SUPT20H: variants seen among roughly 807,000 people sequenced by gnomAD.
SUPT20H encodes transcription factor SPT20 homolog.
SUPT20H carries 82 observed loss-of-function variants against 122.8 expected under a neutral mutation model. The observed-to-expected ratio is 0.67, with a 90% confidence interval of 0.56 to 0.80. SUPT20H has a LOEUF of 0.80. SUPT20H is among the 30% of genes least tolerant of loss of function. SUPT20H has a pLI of 0.00. For missense variants in SUPT20H, 831 were observed against 921.6 expected (o/e 0.90, Z 1.27); for synonymous variants, 291 against 313.0 (o/e 0.93, Z 0.74).
At chr13:37,030,727 G>A (rs1210423221) in intron 12 of SUPT20H, among the ~76,000 whole-genome samples, 4 of 152,134 alleles carry the variant, frequency 2.6e-5, no homozygotes, top group African/African-American at 4.8e-5. Flanking sequence ...ACTCCAGCTT[G>A]TCCTCCAAAG....
chr13:37,024,487 C>T, intron 17 of SUPT20H, 45 bp from the exon 18 acceptor site: 2 of 1,220,862 alleles, frequency 1.6e-6, no homozygotes, highest in Non-Finnish European at 1.1e-6. Flanking sequence ...ATTAATACTG[C>T]TATAAACCCC....
At chr13:37,052,418 T>C (rs1397535550) in intron 1 of SUPT20H, among the ~76,000 whole-genome samples, 3 of 152,082 alleles carry the variant, frequency 2.0e-5, no homozygotes, top group Non-Finnish European at 4.4e-5. Context: ...AAACAAGCAA[T>C]GGGGAGAGGA....
At chr13:37,058,220 G>A (rs548027398) in intron 1 of SUPT20H, among the ~76,000 whole-genome samples, 106 of 152,126 alleles carry the variant, frequency 7.0e-4, no homozygotes, top group Non-Finnish European at 1.2e-3. Context: ...AGCCAGGATC[G>A]CCCCATTGCA....
intron 3 of SUPT20H, 37 bp downstream of exon 3, chr13:37,048,527 C>T: frequency 6.5e-7 from 1 of 1,539,954 alleles, no homozygotes; most frequent in Non-Finnish European, 8.7e-7. Context: ...CAATTAAAGA[C>T]AACACTATTT....
At chr13:37,010,849 C>T (rs560068042) in intron 24 of SUPT20H, 194 bp from the exon 25 acceptor site, 100 of 480,854 alleles carry the variant, frequency 2.1e-4, no homozygotes, top group African/African-American at 1.8e-3. Context: ...GATAATGGAA[C>T]TTTCTGGACA....
intron 20 of SUPT20H, 52 bp downstream of exon 20, chr13:37,021,959 T>C (rs2061512784): frequency 2.0e-6 from 3 of 1,503,256 alleles, no homozygotes; most frequent in Non-Finnish European, 2.7e-6. Flanking sequence ...TTTATTTAGA[T>C]TGGTGAAACT....
At chr13:37,058,507 T>A (rs942229243) in intron 1 of SUPT20H, among the ~76,000 whole-genome samples, 10 of 152,182 alleles carry the variant, frequency 6.6e-5, no homozygotes, top group African/African-American at 2.4e-4. Flanking sequence ...GTCACTAAAT[T>A]GGGGATGGGG....
At chr13:37,045,464 C>T (rs2066253638) in intron 5 of SUPT20H, 91 bp from the exon 6 acceptor site, 3 of 1,462,842 alleles carry the variant, frequency 2.1e-6, no homozygotes, top group African/African-American at 1.4e-5. Flanking sequence ...CTTGAATTAA[C>T]CTTTTGGTGC....
chr13:37,028,120 C>A, intron 14 of SUPT20H, 28 bp downstream of exon 14: 1 of 1,469,234 alleles, frequency 6.8e-7, no homozygotes, highest in South Asian at 1.5e-5. Context: ...TTTTTTTTTT[C>A]CAGTTACTTG....
chr13:37,019,416 G>A lies in SUPT20H; in HGVS notation c.1817-19C>T. The A allele has an allele frequency of 6.4e-7, 1 of 1,556,174 alleles. No individual in the cohort carries two copies. Among genetic ancestry groups the A allele is most frequent in the South Asian group, 1.2e-5 (1 of 82,836 alleles). On this transcript the variant is annotated intron_variant, in intron 21 of 25. Coordinates refer to ENST00000350612, the MANE Select transcript of SUPT20H (RefSeq NM_001014286.3). The stretch of plus-strand genomic sequence containing the variant: ...GGAACACCTGTTAAATAAAACTCAT[G>A]GTTATAACAGAATTGAAAGTTTATT...
intron 2 of SUPT20H, among the ~76,000 whole-genome samples, chr13:37,049,735 A>C (rs866900955): frequency 2.6e-5 from 4 of 152,172 alleles, no homozygotes; most frequent in Non-Finnish European, 4.4e-5. Flanking sequence ...GCAAAACTCC[A>C]TCTCAAAAAA....
chr13:37,047,973 TG>T, intron 3 of SUPT20H, 37 bp from the exon 4 acceptor site: 1 of 1,549,622 alleles, frequency 6.5e-7, no homozygotes, highest in Non-Finnish European at 8.8e-7. Context: ...GCTTGCTTTT[TG>T]CTTTTGACTA....
At chr13:37,053,491 G>A (rs2068201124) in intron 1 of SUPT20H, among the ~76,000 whole-genome samples, 1 of 152,000 alleles carries the variant, frequency 6.6e-6, no homozygotes, top group Non-Finnish European at 1.5e-5. Context: ...CATGGACACA[G>A]GGAGGGGAAC....
Position 37,031,567 on chromosome 13 carries a change from A to C in SUPT20H, c.921T>G (p.Asp307Glu), listed in dbSNP as rs775667895. 3.5e-5 allele frequency: 54 copies of C among 1,550,348 alleles called. No homozygotes were observed. The highest frequency in any genetic ancestry group is 4.6e-5 in the Non-Finnish European group (53 of 1,156,476). ...PCNLAIPSEV[D>E]VEKYAKVEKS... ...AAAAGTAATTCATGAACTGACTTAC[A>C]TCTACTTCAGAAGGTATGGCCAAAT... Residue 307 changes from aspartate to glutamate, a missense_variant and splice_region_variant, in exon 12 of 26, where the codon GAT becomes GAG. Coordinates refer to ENST00000350612, the MANE Select transcript of SUPT20H (RefSeq NM_001014286.3).
intron 10 of SUPT20H, among the ~76,000 whole-genome samples, 176 bp downstream of exon 10, chr13:37,033,273 G>A (rs2063723806): frequency 6.6e-6 from 1 of 152,006 alleles, no homozygotes; most frequent in African/African-American, 2.4e-5. Context: ...AGCCAAAGTG[G>A]GAGGATCACT....
At chr13:37,050,347 CAAAAA>C (rs61668901) in intron 2 of SUPT20H, among the ~76,000 whole-genome samples, 1 of 76,998 alleles carries the variant, frequency 1.3e-5, no homozygotes, top group Non-Finnish European at 2.4e-5. Flanking sequence ...CTGTCACTAC[CAAAAA>C]AAAAAAAAAA....
intron 2 of SUPT20H, among the ~76,000 whole-genome samples, chr13:37,049,754 CA>C (rs545587296): frequency 1.1e-4 from 16 of 152,006 alleles, no homozygotes; most frequent in Admixed American, 2.0e-4. Context: ...AAAACAAAAA[CA>C]ACAAACAAAT....
chr13:37,042,785 C>T (rs563188715), intron 7 of SUPT20H, among the ~76,000 whole-genome samples: 8 of 152,192 alleles, frequency 5.3e-5, no homozygotes, highest in South Asian at 4.1e-4. Context: ...CTTTGAGTAG[C>T]GTGGCTGTCA....
In SUPT20H at chr13:37,019,381, T is replaced by C. The variant is rs145336324; in HGVS notation, c.1833A>G (p.Leu611=). ...AGGGCCTGAGACTTGAAGTATTTTT[T>C]AAACCAAATGGAACACCTGTTAAAT... The part of the protein sequence containing the change: ...AASQAGVPFG[L]KNTSSLRPLN... Residue 611 remains leucine (L), a synonymous_variant, in exon 22 of 26, where the codon TTA becomes TTG. Coordinates refer to ENST00000350612, the MANE Select transcript of SUPT20H (RefSeq NM_001014286.3). 6.3e-5 allele frequency: 101 copies of C among 1,604,286 alleles called. No individual in the cohort carries two copies. The African/African-American group carries it at 1.3e-3, about 21-fold the overall frequency.
Sources: allele counts gnomAD v4.1 joint callset (sites outside exome capture counted in the v4.1 genomes callset), GRCh38; gene constraint gnomAD v4.1.1; transcripts MANE v1.5; gene names NCBI Gene and HGNC (gene_info 2026-07-23, HGNC 2026-07-21).